Variants in KYNU observed in about 807,000 individuals in gnomAD.
The protein encoded by KYNU is L-kynurenine hydrolase.
KYNU carries 54 observed loss-of-function variants against 59.2 expected under a neutral mutation model. The ratio of observed to expected loss-of-function variants is 0.91; its 90% CI spans 0.73 to 1.14. The LOEUF (loss-of-function observed/expected upper bound fraction) is 1.14, where lower values mean the gene tolerates loss of function less well. Among genes scored for constraint, KYNU ranks in the 50% most tolerant of loss-of-function variants. KYNU has a pLI of 0.00. For missense variants in KYNU, 567 were observed against 554.4 expected (o/e 1.02, Z -0.23); for synonymous variants, 177 against 192.0 (o/e 0.92, Z 0.65).
At chr2:142,910,159 CAG>C (rs1286940258) in intron 2 of KYNU, among the ~76,000 whole-genome samples, 10 of 66,538 alleles carry the variant, frequency 1.5e-4, no homozygotes, top group Non-Finnish European at 2.1e-4. Context: ...TTCTTTGAGA[CAG>C]AGTCTTGCTC....
chr2:142,923,152 T>C (rs1464978512), intron 3 of KYNU, among the ~76,000 whole-genome samples: 1 of 152,204 alleles, frequency 6.6e-6, no homozygotes, highest in Non-Finnish European at 1.5e-5. Flanking sequence ...ACATAAGAAT[T>C]TGAAGGGGAC....
At chr2:142,972,858 G>T (rs958213291) in intron 8 of KYNU, among the ~76,000 whole-genome samples, 3 of 146,230 alleles carry the variant, frequency 2.1e-5, no homozygotes, top group Admixed American at 2.1e-4. Flanking sequence ...CAGAGATGAG[G>T]TCTCTCTCTA....
chr2:142,917,001 C>T (rs1051877597), intron 2 of KYNU, among the ~76,000 whole-genome samples: 7 of 152,028 alleles, frequency 4.6e-5, no homozygotes, highest in Non-Finnish European at 1.5e-5. Flanking sequence ...TTGGCAATAC[C>T]TACTTTAAAG....
At chr2:142,884,688 CTTT>C (rs70997529) in intron 1 of KYNU, among the ~76,000 whole-genome samples, 42 of 77,016 alleles carry the variant, frequency 5.5e-4, no homozygotes, top group African/African-American at 7.6e-4. Flanking sequence ...TTCTCTTTTC[CTTT>C]TTTTTTTTTT....
rs1681521366 is a variant in KYNU, at chr2:142,886,574, A to G, written c.169+1038A>G. ...AAAATGAGGCTATAAGTGATCTGAG[A>G]CCATAGAAGAAAAATCTTCTAGGTC... On this transcript the variant is annotated intron_variant, in intron 2 of 13. Coordinates refer to ENST00000264170, the MANE Select transcript of KYNU (RefSeq NM_003937.3). Among the ~76,000 whole-genome samples, 3 of 132,896 alleles carry G rather than the reference A, an allele frequency of 2.3e-5. No homozygotes were observed. In the South Asian group the frequency reaches 9.0e-4, roughly 40 times the overall value. 87.2% of individuals were successfully genotyped at this position (132,896 alleles called of 152,430 possible). A position where few individuals can be genotyped will look rare whatever the true frequency, so the allele number is the denominator to read the frequency against.
chr2:142,959,945 C>G (rs1684288194), intron 7 of KYNU, among the ~76,000 whole-genome samples: 1 of 152,062 alleles, frequency 6.6e-6, no homozygotes, highest in Non-Finnish European at 1.5e-5. Flanking sequence ...TAGTTTTTTT[C>G]TGAGACAGAG....
At chr2:143,017,138 A>T (rs961453708) in intron 10 of KYNU, among the ~76,000 whole-genome samples, 2 of 146,152 alleles carry the variant, frequency 1.4e-5, no homozygotes, top group Non-Finnish European at 3.0e-5. Context: ...TATTTGTTTT[A>T]TCCAACCCAC....
intron 8 of KYNU, among the ~76,000 whole-genome samples, chr2:142,984,157 A>G (rs1427862266): frequency 2.6e-5 from 4 of 152,080 alleles, no homozygotes; most frequent in Non-Finnish European, 4.4e-5. Context: ...TAGATCCTTT[A>G]TCAATGCACA....
At chr2:142,895,193 A>G (rs1013867003) in intron 2 of KYNU, among the ~76,000 whole-genome samples, 3 of 152,176 alleles carry the variant, frequency 2.0e-5, no homozygotes, top group Admixed American at 2.0e-4. Context: ...CTGAGATTTA[A>G]CACATGTATA....
chr2:142,933,665 G>A (rs1290646544), intron 4 of KYNU, among the ~76,000 whole-genome samples: 1 of 152,144 alleles, frequency 6.6e-6, no homozygotes, highest in Non-Finnish European at 1.5e-5. Flanking sequence ...GTTTTGTCAA[G>A]AAGTTTAAAA....
intron 3 of KYNU, among the ~76,000 whole-genome samples, chr2:142,924,829 C>T (rs570853286): frequency 6.6e-5 from 10 of 152,232 alleles, no homozygotes; most frequent in East Asian, 5.8e-4. Flanking sequence ...ATGTTTATAA[C>T]GGCACTTTAA....
At chr2:143,027,569 A>G (rs978934480) in intron 10 of KYNU, among the ~76,000 whole-genome samples, 4 of 152,114 alleles carry the variant, frequency 2.6e-5, no homozygotes, top group African/African-American at 4.8e-5. Flanking sequence ...TCCTTTTTCT[A>G]TGTAAAAACT....
chr2:142,895,457 A>T (rs6711280), intron 2 of KYNU, among the ~76,000 whole-genome samples: 17,512 of 152,140 alleles, frequency 0.12, 1,588 homozygotes, highest in African/African-American at 0.24. Flanking sequence ...ATGTCAATGA[A>T]GTGTTTCATT....
rs1442594880 is a variant in KYNU, at chr2:143,053,047, A to T, written c.*10875A>T. ...AGTGTGACCTGGATGTGAGACATGGAGTCAAAGGAGATCATTTTGGAGCTT... is the reference window on the plus strand; with the variant it reads ...AGTGTGACCTGGATGTGAGACATGGTGTCAAAGGAGATCATTTTGGAGCTT... On this transcript the variant is annotated 3_prime_UTR_variant, in exon 14 of 14. Transcript: ENST00000264170. 2 of 152,322 alleles carry T rather than the reference A, an allele frequency of 1.3e-5. No individual in the cohort carries two copies. Among genetic ancestry groups the T allele is most frequent in the East Asian group, 3.8e-4 (2 of 5,208 alleles). The allele number at this position is 152,322 out of a possible 1,614,324, so 9.4% of individuals were successfully genotyped here.
At chr2:142,917,730 G>T (rs1029291990) in intron 2 of KYNU, among the ~76,000 whole-genome samples, 3 of 152,112 alleles carry the variant, frequency 2.0e-5, no homozygotes, top group Admixed American at 2.0e-4. Context: ...ATATTTTATT[G>T]GTCAGGCTTA....
intron 10 of KYNU, among the ~76,000 whole-genome samples, chr2:143,015,223 A>G (rs1466114811): frequency 1.3e-5 from 2 of 152,212 alleles, no homozygotes; most frequent in African/African-American, 2.4e-5. Context: ...TCTGAAGCTA[A>G]ATATTAAGTG....
In KYNU at chr2:143,054,411, A is replaced by G. The variant is rs1311120747; in HGVS notation, c.*12239A>G. Reference sequence around the variant, plus strand: ...TTACAGATAATATTTGATGAAGAAAATCGAATATAATCATTTTTCAATACT... The same window carrying G: ...TTACAGATAATATTTGATGAAGAAAGTCGAATATAATCATTTTTCAATACT... On this transcript the variant is annotated 3_prime_UTR_variant, in exon 14 of 14. Transcript: ENST00000264170. 6.6e-6 allele frequency: 1 copy of G among 152,202 alleles called. No homozygotes were observed. The highest frequency in any genetic ancestry group is 2.4e-5 in the African/African-American group (1 of 41,448). The allele number at this position is 152,202 out of a possible 1,614,324, so 9.4% of individuals were successfully genotyped here.
At chr2:142,901,647 G>C (rs1181049634) in intron 2 of KYNU, among the ~76,000 whole-genome samples, 1 of 152,114 alleles carries the variant, frequency 6.6e-6, no homozygotes, top group Non-Finnish European at 1.5e-5. Context: ...TGTGGGCGTA[G>C]AGGACTAGGT....
At chr2:142,949,655 G>A (rs1038767139) in intron 4 of KYNU, among the ~76,000 whole-genome samples, 1 of 152,174 alleles carries the variant, frequency 6.6e-6, no homozygotes, top group Non-Finnish European at 1.5e-5. Context: ...TGGGCTCTGG[G>A]TCCCACCCAT....
Sources: gnomAD v4.1 joint callset for allele counts (sites outside exome capture counted in the v4.1 genomes callset) on GRCh38, gnomAD v4.1.1 for gene constraint, MANE v1.5 for transcripts, NCBI Gene and HGNC (gene_info 2026-07-23, HGNC 2026-07-21) for gene names.